The following SGCZ variants were observed in gnomAD, a reference collection of about 807,000 sequenced individuals.
SGCZ encodes sarcoglycan zeta.
SGCZ carries 40 observed loss-of-function variants against 41.3 expected under a neutral mutation model. The observed-to-expected ratio is 0.97, with a 90% CI of 0.75 to 1.26. The LOEUF (loss-of-function observed/expected upper bound fraction) is 1.26. SGCZ is among the 50% of genes most tolerant of loss of function. The probability of loss-of-function intolerance (pLI) is 0.00; values close to 1 mark genes in which losing one functional copy is unlikely to be tolerated. For missense variants in SGCZ, 552 were observed against 369.8 expected (o/e 1.49, Z -4.04); for synonymous variants, 206 against 137.5 (o/e 1.50, Z -3.49).
intron 3 of SGCZ, among the ~76,000 whole-genome samples, chr8:14,314,586 T>C (rs911005809): frequency 1.3e-5 from 2 of 152,124 alleles, no homozygotes; most frequent in African/African-American, 2.4e-5. Flanking sequence ...AGAATAAAAA[T>C]GCTTTGTAAA....
chr8:14,882,743 C>A (rs183896967), intron 1 of SGCZ, among the ~76,000 whole-genome samples: 1 of 151,930 alleles, frequency 6.6e-6, no homozygotes, highest in Non-Finnish European at 1.5e-5. Flanking sequence ...CTCAATCTAC[C>A]CTCTTTTTCT....
At chr8:14,318,645 C>T (rs1414559500) in intron 3 of SGCZ, among the ~76,000 whole-genome samples, 1 of 151,964 alleles carries the variant, frequency 6.6e-6, no homozygotes, top group African/African-American at 2.4e-5. Context: ...CTAAGAACCA[C>T]GGAATTAAAA....
chr8:15,049,256 G>A (rs1280169558), intron 1 of SGCZ, among the ~76,000 whole-genome samples: 1 of 152,130 alleles, frequency 6.6e-6, no homozygotes, highest in African/African-American at 2.4e-5. Context: ...ACGGCATAGG[G>A]ATGAGCATTT....
At position 14,555,545 on chromosome 8, in the gene SGCZ, T is replaced by C. The variant is rs569107721; in HGVS notation, c.40-619A>G. ...TCCCCAGAAGCAAAAGCCTCTATGC[T>C]TCCTGTACAGCCTGTAGAACTAGGA... On this transcript the variant is annotated intron_variant, in intron 1 of 7. Transcript: ENST00000382080. Among the ~76,000 whole-genome samples, 9 of 152,160 alleles carry C rather than the reference T, an allele frequency of 5.9e-5. No homozygotes were observed. The East Asian group carries it at 1.7e-3, about 30-fold the overall frequency.
At chr8:14,222,339 T>G (rs1463416631) in intron 4 of SGCZ, among the ~76,000 whole-genome samples, 3 of 151,852 alleles carry the variant, frequency 2.0e-5, no homozygotes, top group East Asian at 2.0e-4. Context: ...CCAACTAATT[T>G]TTGTATTTTT....
chr8:14,522,597 T>C (rs775839613), intron 2 of SGCZ, among the ~76,000 whole-genome samples: 9 of 151,912 alleles, frequency 5.9e-5, no homozygotes, highest in Non-Finnish European at 1.2e-4. Context: ...TGGAAACTTG[T>C]GTCTTCGCTC....
chr8:14,738,528 G>A (rs1563236768), intron 1 of SGCZ, among the ~76,000 whole-genome samples: 1 of 152,014 alleles, frequency 6.6e-6, no homozygotes, highest in Non-Finnish European at 1.5e-5. Flanking sequence ...TCCTCAATAG[G>A]AGCAGTGTAC....
At chr8:14,140,586 T>C (rs946836795) in intron 5 of SGCZ, among the ~76,000 whole-genome samples, 1 of 151,980 alleles carries the variant, frequency 6.6e-6, no homozygotes, top group Admixed American at 6.6e-5. Context: ...TCAAAGAGAA[T>C]AAAATACCTA....
chr8:14,097,846 C>T (rs1801892204), intron 7 of SGCZ, among the ~76,000 whole-genome samples: 1 of 151,954 alleles, frequency 6.6e-6, no homozygotes. Flanking sequence ...TATGTAATGC[C>T]CTTCTTTGTC....
intron 3 of SGCZ, among the ~76,000 whole-genome samples, chr8:14,262,833 AC>A (rs564016720): frequency 4.6e-5 from 7 of 150,668 alleles, no homozygotes; most frequent in Admixed American, 1.3e-4. Flanking sequence ...AAAAAAAAAA[AC>A]AGCACAGAGC....
intron 1 of SGCZ, among the ~76,000 whole-genome samples, chr8:14,663,256 CA>C (rs980915161): frequency 4.3e-4 from 66 of 152,230 alleles, no homozygotes; most frequent in African/African-American, 1.5e-3. Flanking sequence ...ATTAGTTTCA[CA>C]AAAAAACCTA....
At chr8:14,187,579 A>C (rs2117037967) in intron 4 of SGCZ, among the ~76,000 whole-genome samples, 1 of 152,304 alleles carries the variant, frequency 6.6e-6, no homozygotes, top group African/African-American at 2.4e-5. Context: ...TGATTGAAAA[A>C]AATCACTAAA....
intron 1 of SGCZ, among the ~76,000 whole-genome samples, chr8:14,963,396 C>T (rs547284807): frequency 7.3e-5 from 11 of 151,194 alleles, no homozygotes; most frequent in African/African-American, 2.4e-4. Context: ...TGGAGTCCAG[C>T]GGCACAATCT....
rs768885334 is a variant in SGCZ, at chr8:14,164,734, C to G, written c.425-32G>C. 4.3e-6 allele frequency: 7 copies of G among 1,609,572 alleles called. No homozygotes were observed. In the Admixed American group the frequency reaches 1.2e-4, roughly 27 times the overall value. On this transcript the variant is annotated intron_variant, in intron 4 of 7. Transcript: ENST00000382080. ...TCAGAGGAAAGGTTTAAAAATGAAA[C>G]TGGTATGCAGGAAACCATTAACATG...
At chr8:14,431,742 G>C (rs1013428874) in intron 2 of SGCZ, among the ~76,000 whole-genome samples, 14 of 151,884 alleles carry the variant, frequency 9.2e-5, no homozygotes, top group Admixed American at 1.3e-4. Context: ...TTAGTAAAAA[G>C]ACAACCCACA....
Position 14,324,115 on chromosome 8 carries a change from A to T in SGCZ, c.324T>A (p.Ile108=), listed in dbSNP as rs1217748960. 1.2e-6 allele frequency: 2 copies of T among 1,611,092 alleles called. No homozygotes were observed. Among genetic ancestry groups the T allele is most frequent in the Non-Finnish European group, 1.7e-6 (2 of 1,178,024 alleles). The part of the protein sequence containing the change: ...EFLLPLYVKE[I]HSRKDSPLVL... ...CAGTATCACATACCTTTCGAGAATG[A>T]ATTTCTTTCACATACAATGGAAGTA... The change falls in exon 3 of 8, where the codon ATT becomes ATA. Residue 108 remains isoleucine (I), a synonymous_variant. Coordinates refer to ENST00000382080, the MANE Select transcript of SGCZ (RefSeq NM_139167.4).
intron 4 of SGCZ, among the ~76,000 whole-genome samples, chr8:14,191,821 G>T (rs926808045): frequency 2.6e-5 from 4 of 152,090 alleles, no homozygotes; most frequent in Non-Finnish European, 4.4e-5. Flanking sequence ...CAAAGTTCAT[G>T]TGCTTCTTTC....
At chr8:14,885,459 G>A (rs1426915298) in intron 1 of SGCZ, among the ~76,000 whole-genome samples, 1 of 152,080 alleles carries the variant, frequency 6.6e-6, no homozygotes, top group Non-Finnish European at 1.5e-5. Flanking sequence ...AATTAATTGG[G>A]TTGGATCCTT....
At chr8:14,099,652 G>T (rs571133438) in intron 7 of SGCZ, among the ~76,000 whole-genome samples, 46 of 152,100 alleles carry the variant, frequency 3.0e-4, no homozygotes, top group Admixed American at 2.0e-4. Flanking sequence ...TTGAACCCAG[G>T]GGGTGGAGGT....
Sources: gnomAD v4.1 joint callset for allele counts (sites outside exome capture counted in the v4.1 genomes callset) on GRCh38, gnomAD v4.1.1 for gene constraint, MANE v1.5 for transcripts, NCBI Gene and HGNC (gene_info 2026-07-23, HGNC 2026-07-21) for gene names.